The following PDZRN3 variants were observed in gnomAD, a reference collection of about 807,000 sequenced individuals.
The protein encoded by PDZRN3 is E3 ubiquitin-protein ligase PDZRN3.
A neutral mutation model predicts 85.7 loss-of-function variants in PDZRN3; 38 were observed. That is an observed-to-expected ratio of 0.44 (90% CI 0.34 to 0.58). The LOEUF is 0.58. Ranked by LOEUF, PDZRN3 falls within the 20% of genes least tolerant of loss-of-function variation. The probability of loss-of-function intolerance (pLI) is 0.01; values close to 1 mark genes in which losing one functional copy is unlikely to be tolerated. For missense variants in PDZRN3, 1,629 were observed against 1,506.4 expected (o/e 1.08, Z -1.35); for synonymous variants, 759 against 638.0 (o/e 1.19, Z -2.86).
rs1419948799 is a variant in PDZRN3 at position 73,543,900 on chromosome 3, T to G, written c.918+58454A>C. On this transcript the variant is annotated intron_variant, in intron 3 of 9. Transcript: ENST00000263666. Reference sequence around the variant, plus strand: ...TAAATATAGGTTCATTACAAAAAGTTTAAAAAATAAAACATGTATAAAGAA... The same window carrying G: ...TAAATATAGGTTCATTACAAAAAGTGTAAAAAATAAAACATGTATAAAGAA... 3.3e-5 allele frequency among the ~76,000 whole-genome samples: 5 copies of G among 152,312 alleles called. No individual in the cohort carries two copies. In the East Asian group the frequency reaches 9.6e-4, roughly 29 times the overall value.
chr3:73,395,781 A>G (rs1326474313), intron 5 of PDZRN3, among the ~76,000 whole-genome samples: 1 of 152,218 alleles, frequency 6.6e-6, no homozygotes, highest in African/African-American at 2.4e-5. Flanking sequence ...ATAGGGTAAC[A>G]AGGCATTTTA....
intron 3 of PDZRN3, among the ~76,000 whole-genome samples, chr3:73,435,250 T>C (rs565014343): frequency 1.6e-4 from 25 of 152,080 alleles, no homozygotes; most frequent in African/African-American, 6.0e-4. Flanking sequence ...CACAGTGACT[T>C]GGCTTACACC....
chr3:73,528,949 C>CA (rs79169787), intron 3 of PDZRN3, among the ~76,000 whole-genome samples: 17,410 of 151,466 alleles, frequency 0.11, 1,173 homozygotes, highest in South Asian at 0.26. Context: ...ACCTTCTAAA[C>CA]AAAAAAATCA....
At position 73,624,638 on chromosome 3, in the gene PDZRN3, T is replaced by C; in HGVS notation, c.188A>G (p.Lys63Arg). Residue 63 changes from lysine to arginine, a missense_variant, in exon 1 of 10, where the codon AAA (lysine) becomes AGA (arginine). Physicochemically the swap from Lys to Arg is conservative, Grantham distance 26. Transcript: ENST00000263666. ...GAGCGGCAGGACGTGGTTGAGCTCTTTGGCCGACAGGCGACCGCGGCAGCG... is the reference window on the plus strand; with the variant it reads ...GAGCGGCAGGACGTGGTTGAGCTCTCTGGCCGACAGGCGACCGCGGCAGCG... ...PARCRGRLSA[K>R]ELNHVLPLKR... is the part of the protein sequence containing the mutation. 6.4e-7 allele frequency: 1 copy of C among 1,553,626 alleles called. No homozygotes were observed. Among genetic ancestry groups the C allele is most frequent in the Non-Finnish European group, 8.7e-7 (1 of 1,153,472 alleles).
intron 3 of PDZRN3, among the ~76,000 whole-genome samples, chr3:73,516,907 C>T (rs889436545): frequency 5.3e-5 from 8 of 152,262 alleles, no homozygotes; most frequent in Admixed American, 2.6e-4. Flanking sequence ...AGGAGCCTTT[C>T]GGGTCAAAGC....
At chr3:73,566,835 G>A (rs961135408) in intron 3 of PDZRN3, among the ~76,000 whole-genome samples, 8 of 152,126 alleles carry the variant, frequency 5.3e-5, no homozygotes, top group Non-Finnish European at 7.3e-5. Context: ...CTGTCATGCC[G>A]AGATGCAATG....
chr3:73,402,647 C>G (rs1701772097), intron 4 of PDZRN3: 1 of 152,366 alleles, frequency 6.6e-6, no homozygotes, highest in African/African-American at 2.4e-5. Flanking sequence ...GGGAATTAGT[C>G]CTGGGTTCCA....
At chr3:73,492,401 T>TC (rs1703788550) in intron 3 of PDZRN3, among the ~76,000 whole-genome samples, 1 of 152,306 alleles carries the variant, frequency 6.6e-6, no homozygotes, top group African/African-American at 2.4e-5. Flanking sequence ...TCCTTTGCCT[T>TC]CTTGGCCCTA....
At chr3:73,593,612 G>C (rs1702391864) in intron 3 of PDZRN3, among the ~76,000 whole-genome samples, 1 of 151,738 alleles carries the variant, frequency 6.6e-6, no homozygotes, top group South Asian at 2.1e-4. Flanking sequence ...CTTTTAAAAG[G>C]AAATACATAA....
At chr3:73,391,316 A>C (rs1046520039) in intron 5 of PDZRN3, among the ~76,000 whole-genome samples, 200 bp from the exon 6 acceptor site, 2 of 152,244 alleles carry the variant, frequency 1.3e-5, no homozygotes, top group Admixed American at 6.5e-5. Flanking sequence ...CTTTCACTCA[A>C]TATAAAGTCA....
At chr3:73,428,388 A>G (rs879869) in intron 3 of PDZRN3, among the ~76,000 whole-genome samples, 83,511 of 152,062 alleles carry the variant, frequency 0.55, 23,414 homozygotes, top group East Asian at 0.9. Context: ...CCTGATTTGT[A>G]TTCTTCTTTT....
chr3:73,605,929 A>T (rs1702593842), intron 2 of PDZRN3, among the ~76,000 whole-genome samples: 1 of 152,266 alleles, frequency 6.6e-6, no homozygotes, highest in Non-Finnish European at 1.5e-5. Flanking sequence ...CCTTTTGTAA[A>T]AAAGAAAAAG....
intron 5 of PDZRN3, among the ~76,000 whole-genome samples, chr3:73,397,404 G>A (rs900576025): frequency 1.3e-5 from 2 of 152,146 alleles, no homozygotes; most frequent in African/African-American, 4.8e-5. Context: ...GAACCCAAGA[G>A]TTAGAACAAA....
At chr3:73,562,072 C>A (rs1464035736) in intron 3 of PDZRN3, among the ~76,000 whole-genome samples, 3 of 152,172 alleles carry the variant, frequency 2.0e-5, no homozygotes, top group Non-Finnish European at 4.4e-5. Context: ...ATCTTTTGAT[C>A]TGGTTTGATT....
At chr3:73,401,384 C>T (rs1223714920) in intron 4 of PDZRN3, among the ~76,000 whole-genome samples, 2 of 152,262 alleles carry the variant, frequency 1.3e-5, no homozygotes, top group South Asian at 2.1e-4. Context: ...TTTATCTCTG[C>T]AGAGAACTAG....
chr3:73,453,386 CAG>C (rs1382956823), intron 3 of PDZRN3, among the ~76,000 whole-genome samples: 1 of 107,538 alleles, frequency 9.3e-6, no homozygotes. Context: ...AGCCTAGAGA[CAG>C]AGTGAGACTT....
At chr3:73,491,562 G>C (rs1703771094) in intron 3 of PDZRN3, among the ~76,000 whole-genome samples, 1 of 140,286 alleles carries the variant, frequency 7.1e-6, no homozygotes, top group South Asian at 2.3e-4. Flanking sequence ...TCAACAGGAA[G>C]AGCAAAAGAA....
At chr3:73,441,974 G>T (rs184596806) in intron 3 of PDZRN3, among the ~76,000 whole-genome samples, 2 of 152,180 alleles carry the variant, frequency 1.3e-5, no homozygotes, top group Non-Finnish European at 2.9e-5. Flanking sequence ...TGAGTCTGGG[G>T]GATAGGAAGG....
At chr3:73,448,734 G>A (rs1053743997) in intron 3 of PDZRN3, among the ~76,000 whole-genome samples, 2 of 152,172 alleles carry the variant, frequency 1.3e-5, no homozygotes, top group African/African-American at 4.8e-5. Flanking sequence ...TAGCTACTAG[G>A]GTGGGCAAGA....
Sources: allele counts gnomAD v4.1 joint callset (sites outside exome capture counted in the v4.1 genomes callset), GRCh38; gene constraint gnomAD v4.1.1; transcripts MANE v1.5; gene names NCBI Gene and HGNC (gene_info 2026-07-23, HGNC 2026-07-21).